SNX29: variants seen among roughly 807,000 people sequenced by gnomAD.
SNX29 encodes the protein sorting nexin-29.
Under a neutral mutation model 102.1 loss-of-function variants are expected in SNX29, and 78 were observed. That is an observed-to-expected ratio of 0.76 (90% CI 0.64 to 0.92). The LOEUF is 0.92. SNX29 is among the 40% of genes least tolerant of loss of function. The pLI is 0.00. For missense variants in SNX29, 1,280 were observed against 1,061.7 expected (o/e 1.21, Z -2.86); for synonymous variants, 580 against 414.5 (o/e 1.40, Z -4.85).
chr16:12,540,193 G>C (rs1002997692), intron 20 of SNX29, among the ~76,000 whole-genome samples: 2 of 152,064 alleles, frequency 1.3e-5, no homozygotes, highest in African/African-American at 4.8e-5. Flanking sequence ...TTTGTGTCAG[G>C]TCCAAGGATT....
At chr16:12,151,450 A>G (rs544752075) in intron 13 of SNX29, among the ~76,000 whole-genome samples, 1 of 152,138 alleles carries the variant, frequency 6.6e-6, no homozygotes, top group Non-Finnish European at 1.5e-5. Flanking sequence ...TATGTGTACA[A>G]CACTCCACTG....
Position 12,139,800 on chromosome 16 carries a change from G to C in SNX29, c.1595+10042G>C, listed in dbSNP as rs149815441. On this transcript the variant is annotated intron_variant, in intron 13 of 20. Coordinates refer to ENST00000566228, the MANE Select transcript of SNX29 (RefSeq NM_032167.5). ...CCAGGAGACCAGCCTGGGCAACACG[G>C]TGAGACCCTGTCTACACAAAAATTA... is the stretch of plus-strand genomic sequence containing the variant. Among the ~76,000 whole-genome samples the C allele has an allele frequency of 9.9e-5, 15 of 151,982 alleles. No individual in the cohort carries two copies. The East Asian group carries it at 2.9e-3, about 30-fold the overall frequency.
intron 11 of SNX29, among the ~76,000 whole-genome samples, chr16:12,100,348 T>C (rs547060955): frequency 7.9e-4 from 120 of 152,214 alleles, no homozygotes; most frequent in African/African-American, 2.8e-3. Flanking sequence ...CCACCACCAG[T>C]TGTGACAGGC....
chr16:12,355,832 C>T (rs1338911754), intron 15 of SNX29, among the ~76,000 whole-genome samples: 2 of 110,272 alleles, frequency 1.8e-5, no homozygotes, highest in African/African-American at 3.6e-5. Flanking sequence ...CTTGACAGAG[C>T]GAGATCTTAT....
chr16:12,056,549 T>G (rs1347828197), intron 8 of SNX29, among the ~76,000 whole-genome samples: 1 of 152,152 alleles, frequency 6.6e-6, no homozygotes, highest in African/African-American at 2.4e-5. Context: ...GTGAGGGGAA[T>G]GCAGCCAGAC....
intron 18 of SNX29, among the ~76,000 whole-genome samples, chr16:12,458,474 TGATTA>T (rs896198189): frequency 9.2e-5 from 14 of 152,316 alleles, no homozygotes; most frequent in Admixed American, 2.6e-4. Flanking sequence ...TGCAGCTCTT[TGATTA>T]AAGATCAGTA....
At chr16:12,312,561 A>G (rs553798617) in intron 15 of SNX29, among the ~76,000 whole-genome samples, 2 of 152,158 alleles carry the variant, frequency 1.3e-5, no homozygotes, top group East Asian at 3.9e-4. Context: ...AGCAGAGGTG[A>G]GGCGTGAGGG....
At chr16:12,527,344 G>T (rs971279661) in intron 20 of SNX29, 7 of 516,798 alleles carry the variant, frequency 1.4e-5, no homozygotes, top group African/African-American at 1.3e-4. Context: ...GAGCCTGAGA[G>T]ATTTCTGGTT....
rs1598134906 is a variant in SNX29 at position 12,570,018 on chromosome 16, C to T, written c.*1389C>T. 3.1e-6 allele frequency: 1 copy of T among 317,726 alleles called. No individual in the cohort carries two copies. Among genetic ancestry groups the T allele is most frequent in the African/African-American group, 2.1e-5 (1 of 46,776 alleles). 19.7% of individuals were successfully genotyped at this position (317,726 alleles called of 1,614,324 possible). ...TCAGTGGCTTAAAATGAGAACTGCCCAGGTGAGCATGGAGCATCTCCTAGG... is the reference window on the plus strand; with the variant it reads ...TCAGTGGCTTAAAATGAGAACTGCCTAGGTGAGCATGGAGCATCTCCTAGG... On this transcript the variant is annotated 3_prime_UTR_variant, in exon 21 of 21. Coordinates refer to ENST00000566228, the MANE Select transcript of SNX29 (RefSeq NM_032167.5).
chr16:12,369,090 C>A (rs1312431138), intron 16 of SNX29, among the ~76,000 whole-genome samples: 1 of 152,126 alleles, frequency 6.6e-6, no homozygotes. Flanking sequence ...AATCTCAAGA[C>A]CCTGGTTCTT....
intron 17 of SNX29, among the ~76,000 whole-genome samples, chr16:12,402,444 C>G (rs960476857): frequency 1.3e-5 from 2 of 152,224 alleles, no homozygotes; most frequent in Non-Finnish European, 2.9e-5. Context: ...AGCCCTGGAA[C>G]AGCTCTAATT....
chr16:12,340,193 T>C (rs1446357275), intron 15 of SNX29, among the ~76,000 whole-genome samples: 2 of 152,242 alleles, frequency 1.3e-5, no homozygotes, highest in Non-Finnish European at 2.9e-5. Context: ...CCTCCCCTTC[T>C]TCTCCTTCCC....
At chr16:12,427,795 GTCT>G (rs1209008429) in intron 18 of SNX29, among the ~76,000 whole-genome samples, 1 of 152,206 alleles carries the variant, frequency 6.6e-6, no homozygotes, top group Non-Finnish European at 1.5e-5. Context: ...GCCCTGATGT[GTCT>G]TCTTGAAAAT....
rs139247529 is a variant in SNX29, at chr16:12,277,929, A to G, written c.1679-4A>G. 6.9e-4 allele frequency: 1,098 copies of G among 1,602,016 alleles called. 8 individuals are homozygous for G. The African/African-American group carries it at 0.013, about 20-fold the overall frequency. On this transcript the variant is annotated splice_region_variant and splice_polypyrimidine_tract_variant and intron_variant, in intron 14 of 20. Coordinates refer to ENST00000566228, the MANE Select transcript of SNX29 (RefSeq NM_032167.5). ...ATTTATGACATGTCTCTCTTTCTCTAAAGTGCCAAATCTTTGGAGTGTTGA... is the reference window on the plus strand; with the variant it reads ...ATTTATGACATGTCTCTCTTTCTCTGAAGTGCCAAATCTTTGGAGTGTTGA...
intron 18 of SNX29, among the ~76,000 whole-genome samples, chr16:12,440,253 C>A (rs576654078): frequency 6.6e-6 from 1 of 152,272 alleles, no homozygotes; most frequent in African/African-American, 2.4e-5. Context: ...CCATAAAACT[C>A]ACCTTTTCAA....
At chr16:12,244,544 C>A (rs960201755) in intron 14 of SNX29, among the ~76,000 whole-genome samples, 1 of 151,698 alleles carries the variant, frequency 6.6e-6, no homozygotes, top group Non-Finnish European at 1.5e-5. Flanking sequence ...TGGGAGGCAG[C>A]GGTTGCAGTG....
At chr16:12,331,220 G>A (rs1268868777) in intron 15 of SNX29, among the ~76,000 whole-genome samples, 1 of 151,502 alleles carries the variant, frequency 6.6e-6, no homozygotes, top group Non-Finnish European at 1.5e-5. Flanking sequence ...TTGGCTGCCC[G>A]GTTTCACTCC....
intron 20 of SNX29, among the ~76,000 whole-genome samples, chr16:12,532,184 G>C (rs1290164220): frequency 6.6e-6 from 1 of 152,216 alleles, no homozygotes; most frequent in Non-Finnish European, 1.5e-5. Flanking sequence ...TGCAAACAAT[G>C]AATCATTCTT....
At chr16:12,389,277 C>G (rs1322825147) in intron 16 of SNX29, among the ~76,000 whole-genome samples, 1 of 152,138 alleles carries the variant, frequency 6.6e-6, no homozygotes, top group Admixed American at 6.5e-5. Context: ...TTGGCTGTGT[C>G]CCCACCCAAA....
Sources: gnomAD v4.1 joint callset for allele counts (sites outside exome capture counted in the v4.1 genomes callset) on GRCh38, gnomAD v4.1.1 for gene constraint, MANE v1.5 for transcripts, NCBI Gene and HGNC (gene_info 2026-07-23, HGNC 2026-07-21) for gene names.